The following BMPER variants were observed in gnomAD, a reference collection of about 807,000 sequenced individuals.
BMPER encodes BMP-binding endothelial regulator protein.
Under a neutral mutation model 87.3 loss-of-function variants are expected in BMPER, and 45 were observed. The observed-to-expected ratio is 0.52, with a 90% confidence interval of 0.41 to 0.66. The LOEUF is 0.66. Ranked by LOEUF, BMPER falls within the 30% of genes least tolerant of loss-of-function variation. The pLI is 0.00. For synonymous variants in BMPER, 326 were observed against 316.2 expected (o/e 1.03, Z -0.33); for missense variants, 784 against 867.5 (o/e 0.90, Z 1.21).
intron 6 of BMPER, among the ~76,000 whole-genome samples, chr7:33,997,210 G>C (rs2127932244): frequency 6.6e-6 from 1 of 152,292 alleles, no homozygotes. Flanking sequence ...CTCTGCTTCA[G>C]ATTTTCTAAT....
intron 2 of BMPER, 131 bp from the exon 3 acceptor site, chr7:33,937,158 G>A: frequency 2.3e-6 from 2 of 887,660 alleles, no homozygotes; most frequent in Non-Finnish European, 3.7e-6. Flanking sequence ...AATCCTATTT[G>A]CTCTCACAGC....
At chr7:34,083,210 A>G (rs1789101436) in intron 12 of BMPER, among the ~76,000 whole-genome samples, 1 of 152,176 alleles carries the variant, frequency 6.6e-6, no homozygotes, top group Non-Finnish European at 1.5e-5. Flanking sequence ...GTGAAGAAAT[A>G]GAATTCGTTT....
intron 5 of BMPER, among the ~76,000 whole-genome samples, chr7:33,971,728 A>G (rs1316805495): frequency 6.6e-6 from 1 of 152,156 alleles, no homozygotes; most frequent in East Asian, 1.9e-4. Flanking sequence ...TCCCAGACCA[A>G]TTCCATCAGA....
At chr7:34,133,321 C>T (rs1790640885) in intron 13 of BMPER, among the ~76,000 whole-genome samples, 2 of 152,226 alleles carry the variant, frequency 1.3e-5, no homozygotes, top group South Asian at 2.1e-4. Context: ...TGTAATGGCA[C>T]CTCCACGAAA....
At chr7:33,991,538 T>C (rs1227314893) in intron 6 of BMPER, among the ~76,000 whole-genome samples, 5 of 152,232 alleles carry the variant, frequency 3.3e-5, no homozygotes, top group African/African-American at 4.8e-5. Flanking sequence ...TAGCAGTCTA[T>C]CAATTTTGTT....
In BMPER at chr7:34,153,167, A is replaced by G. The variant is rs1417796372; in HGVS notation, c.1952A>G (p.Glu651Gly). ...GCIKTCDNWN[E>G]IGPCNKPCVA... ...ATCAAGACGTGTGACAACTGGAATG[A>G]AATTGGTCCATGCAACAAGCCGTGC... The change falls in exon 15 of 15, where the codon GAA becomes GGA. Residue 651 changes from glutamate to glycine, a missense_variant. Coordinates refer to ENST00000649409, the MANE Select transcript of BMPER (RefSeq NM_001365308.1). 1 of 1,614,092 alleles carries G rather than the reference A, an allele frequency of 6.2e-7. No individual in the cohort carries two copies. The highest frequency in any genetic ancestry group is 1.7e-5 in the Admixed American group (1 of 60,010).
At chr7:33,933,711 T>C (rs1784534755) in intron 2 of BMPER, among the ~76,000 whole-genome samples, 1 of 152,112 alleles carries the variant, frequency 6.6e-6, no homozygotes, top group Admixed American at 6.5e-5. Flanking sequence ...GTTGCTCTGC[T>C]TTCGTTAGAG....
intron 6 of BMPER, among the ~76,000 whole-genome samples, chr7:33,988,605 AT>A (rs1010715439): frequency 4.2e-4 from 64 of 151,398 alleles, no homozygotes; most frequent in South Asian, 1.5e-3. Context: ...TGGTATTTTT[AT>A]TTTTTTTTAA....
At chr7:34,103,213 T>C (rs1056007905) in intron 13 of BMPER, among the ~76,000 whole-genome samples, 8 of 152,058 alleles carry the variant, frequency 5.3e-5, no homozygotes, top group African/African-American at 1.9e-4. Flanking sequence ...TGAAGTATGA[T>C]GGAACAAACA....
chr7:33,973,245 A>G (rs1785594754), intron 5 of BMPER, among the ~76,000 whole-genome samples: 1 of 152,210 alleles, frequency 6.6e-6, no homozygotes, highest in South Asian at 2.1e-4. Flanking sequence ...AACCTGTATG[A>G]AAGAATTAAA....
At chr7:34,134,933 T>C (rs921642490) in intron 13 of BMPER, among the ~76,000 whole-genome samples, 1 of 152,158 alleles carries the variant, frequency 6.6e-6, no homozygotes, top group African/African-American at 2.4e-5. Flanking sequence ...GGTCTCTGTG[T>C]CCACAGATGC....
At chr7:34,085,672 T>C (rs1350711280) in intron 12 of BMPER, 84 bp from the exon 13 acceptor site, 1 of 1,273,574 alleles carries the variant, frequency 7.9e-7, no homozygotes, top group Admixed American at 2.0e-5. Context: ...GTCAGTCATA[T>C]GTTCTGTGTA....
At position 34,145,343 on chromosome 7, in the gene BMPER, C is replaced by T. The variant is rs189123368; in HGVS notation, c.1876+1983C>T. On this transcript the variant is annotated intron_variant, in intron 14 of 14. Coordinates refer to ENST00000649409, the MANE Select transcript of BMPER (RefSeq NM_001365308.1). The stretch of plus-strand genomic sequence containing the variant: ...TCTGACTCCATTTTGGTTGCGCCCC[C>T]ACCTCTGCAAACCCAAGTCCAATCT... Among the ~76,000 whole-genome samples the T allele has an allele frequency of 3.3e-5, 5 of 152,270 alleles. No homozygotes were observed. The East Asian group carries it at 9.6e-4, about 29-fold the overall frequency.
intron 2 of BMPER, among the ~76,000 whole-genome samples, chr7:33,928,765 G>A (rs1354714283): frequency 6.6e-6 from 1 of 151,310 alleles, no homozygotes; most frequent in Non-Finnish European, 1.5e-5. Context: ...AATATCAGAA[G>A]GGCCTCCTTA....
chr7:34,119,844 C>T (rs1474037873), intron 13 of BMPER, among the ~76,000 whole-genome samples: 1 of 151,764 alleles, frequency 6.6e-6, no homozygotes. Context: ...AGGGGAATAC[C>T]TAACAGAATG....
chr7:34,084,722 C>A (rs1388530747), intron 12 of BMPER, among the ~76,000 whole-genome samples: 2 of 152,172 alleles, frequency 1.3e-5, no homozygotes, highest in Non-Finnish European at 2.9e-5. Flanking sequence ...TCTTCTTGAC[C>A]TTCTAGTCAG....
chr7:33,909,680 C>CAAA (rs60327948), intron 2 of BMPER, among the ~76,000 whole-genome samples: 3 of 53,466 alleles, frequency 5.6e-5, no homozygotes, highest in Non-Finnish European at 1.1e-4. Flanking sequence ...ATAACATGTA[C>CAAA]AAAAAAAAAA....
At chr7:33,919,065 G>A (rs984489810) in intron 2 of BMPER, among the ~76,000 whole-genome samples, 1 of 152,084 alleles carries the variant, frequency 6.6e-6, no homozygotes, top group Non-Finnish European at 1.5e-5. Context: ...TGTGTGGGGG[G>A]GAATTGTTAA....
In BMPER at chr7:34,143,235, G is replaced by T; in HGVS notation, c.1751G>T (p.Cys584Phe). ...CTCTCTTTTGGGTCCTATAGGTCCTGTGTGACAGACATGTGTGAATGTCCA... is the reference window on the plus strand; with the variant it reads ...CTCTCTTTTGGGTCCTATAGGTCCTTTGTGACAGACATGTGTGAATGTCCA... The part of the protein sequence containing the change: ...TVDYATFYRS[C>F]VTDMCECPVH... The change falls in exon 14 of 15, where the codon TGT becomes TTT. Residue 584 changes from cysteine (C) to phenylalanine (F), a missense_variant. Physicochemically the swap from Cys to Phe is radical, Grantham distance 205 (BLOSUM62 -2). Coordinates refer to ENST00000649409, the MANE Select transcript of BMPER (RefSeq NM_001365308.1). The T allele has an allele frequency of 6.2e-7, 1 of 1,613,966 alleles. No homozygotes were observed. The highest frequency in any genetic ancestry group is 8.5e-7 in the Non-Finnish European group (1 of 1,179,892).
Sources: gnomAD v4.1 joint callset for allele counts (sites outside exome capture counted in the v4.1 genomes callset) on GRCh38, gnomAD v4.1.1 for gene constraint, MANE v1.5 for transcripts, NCBI Gene and HGNC (gene_info 2026-07-23, HGNC 2026-07-21) for gene names.